Variants in CST2 observed in about 807,000 individuals in gnomAD.
The protein encoded by CST2 is cystatin SA, also known as cystatin-SA.
In CST2, 26 loss-of-function variants were observed where a neutral mutation model predicts 13.4. The ratio of observed to expected loss-of-function variants is 1.95; its 90% CI spans 1.43 to 2.70. CST2 has a LOEUF of 2.70. Among genes scored for constraint, CST2 ranks in the 30% most tolerant of loss-of-function variants. The probability of loss-of-function intolerance (pLI) is 0.00; values close to 1 mark genes in which losing one functional copy is unlikely to be tolerated. For synonymous variants in CST2, 105 were observed against 71.1 expected (o/e 1.48, Z -2.40); for missense variants, 243 against 173.4 (o/e 1.40, Z -2.25).
chr20:23,826,544 G>A lies in CST2; in HGVS notation c.117C>T (p.Leu39=). ...IIEGGIYDAD[L]NDERVQRALH... is the part of the protein sequence containing the mutation. ...GGGCACGCTGTACCCGCTCATCATT[G>A]AGGTCTGCATCATAGATGCCACCCT... is the stretch of plus-strand genomic sequence containing the variant. The change falls in exon 1 of 3, where the codon CTC becomes CTT. Residue 39 remains leucine (L), a synonymous_variant. Coordinates refer to ENST00000304725, the MANE Select transcript of CST2 (RefSeq NM_001322.3). The A allele has an allele frequency of 6.2e-7, 1 of 1,614,164 alleles. No homozygotes were observed. The highest frequency in any genetic ancestry group is 2.2e-5 in the East Asian group (1 of 44,856).
intron 1 of CST2, 141 bp from the exon 2 acceptor site, chr20:23,825,464 C>T (rs984529645): frequency 7.4e-5 from 60 of 809,500 alleles, no homozygotes; most frequent in Non-Finnish European, 1.1e-4. Context: ...CACACAAGCC[C>T]CCTCTTCCTG....
Position 23,824,851 on chromosome 20 carries a change from A to T in CST2, c.342+359T>A, listed in dbSNP as rs1984776125. 5.3e-5 allele frequency among the ~76,000 whole-genome samples: 8 copies of T among 151,046 alleles called. No homozygotes were observed. The South Asian group carries it at 1.7e-3, about 32-fold the overall frequency. On this transcript the variant is annotated intron_variant, in intron 2 of 2. Transcript: ENST00000304725. ...GGCTTCCTAGCAAATCAAACACATCACCCTCCTCCCTCACCACCCCATCTG... is the reference window on the plus strand; with the variant it reads ...GGCTTCCTAGCAAATCAAACACATCTCCCTCCTCCCTCACCACCCCATCTG...
rs1984740326 is a variant in CST2, at chr20:23,823,858, T to TC, written c.*161dup. 1 of 679,956 alleles carries TC rather than the reference T, an allele frequency of 1.5e-6. No homozygotes were observed. Among genetic ancestry groups the TC allele is most frequent in the Non-Finnish European group, 2.5e-6 (1 of 393,108 alleles). The allele number at this position is 679,956 out of a possible 1,614,324, so 42.1% of individuals were successfully genotyped here. On this transcript the variant is annotated 3_prime_UTR_variant, in exon 3 of 3. Coordinates refer to ENST00000304725, the MANE Select transcript of CST2 (RefSeq NM_001322.3). ...GCAAAAGGAAGGAGGGAGGGCAGAG[T>TC]CCCCTGCTGAGCAACAAAGGCCTCC...
At chr20:23,824,423 C>T (rs1021328766) in intron 2 of CST2, among the ~76,000 whole-genome samples, 1 of 152,094 alleles carries the variant, frequency 6.6e-6, no homozygotes. Context: ...TGGCTCACTT[C>T]CCCCAGCTCC....
Position 23,823,951 on chromosome 20 carries a change from G to C in CST2, c.*69C>G. On this transcript the variant is annotated 3_prime_UTR_variant, in exon 3 of 3. Coordinates refer to ENST00000304725, the MANE Select transcript of CST2 (RefSeq NM_001322.3). ...ACCTCCCACAGGGTGGGGGCCACCA[G>C]TCCAGGGGTGGGAGCACTACAAGGG... 1 of 1,556,540 alleles carries C rather than the reference G, an allele frequency of 6.4e-7. No homozygotes were observed. The highest frequency in any genetic ancestry group is 8.8e-7 in the Non-Finnish European group (1 of 1,130,710).
intron 1 of CST2, 135 bp downstream of exon 1, chr20:23,826,298 A>G: frequency 2.7e-6 from 2 of 749,006 alleles, no homozygotes; most frequent in African/African-American, 1.7e-5. Flanking sequence ...CCATAAGCAG[A>G]GAGTCAGGGA....
In CST2 at chr20:23,823,850, G is replaced by A. The variant is rs1225492268; in HGVS notation, c.*170C>T. On this transcript the variant is annotated 3_prime_UTR_variant, in exon 3 of 3. Transcript: ENST00000304725. ...TATGAGAAGCAAAAGGAAGGAGGGA[G>A]GGCAGAGTCCCCTGCTGAGCAACAA... is the stretch of plus-strand genomic sequence containing the variant. 2 of 648,702 alleles carry A rather than the reference G, an allele frequency of 3.1e-6. No individual in the cohort carries two copies. Among genetic ancestry groups the A allele is most frequent in the Non-Finnish European group, 5.4e-6 (2 of 369,782 alleles). 40.2% of individuals were successfully genotyped at this position (648,702 alleles called of 1,614,324 possible).
In CST2 at chr20:23,826,634, C is replaced by A. The variant is rs568450682; in HGVS notation, c.27G>T (p.Leu9=). Residue 9 remains leucine (L), a synonymous_variant, in exon 1 of 3, where the codon CTG becomes CTT. Coordinates refer to ENST00000304725, the MANE Select transcript of CST2 (RefSeq NM_001322.3). MAWPLCTL[L]LLLATQAVAL... ...CCACAGCCTGGGTGGCCAGCAGGAG[C>A]AGCAGGGTGCACAGGGGCCAGGCCA... is the stretch of plus-strand genomic sequence containing the variant. 3 of 1,609,618 alleles carry A rather than the reference C, an allele frequency of 1.9e-6. No homozygotes were observed. The highest frequency in any genetic ancestry group is 4.5e-5 in the East Asian group (2 of 44,752).
rs1157391189 is a variant in CST2, at chr20:23,825,372, A to C, written c.229-49T>G. 9.4e-6 allele frequency: 15 copies of C among 1,590,170 alleles called. No homozygotes were observed. In the Admixed American group the frequency reaches 2.5e-4, roughly 27 times the overall value. On this transcript the variant is annotated intron_variant, in intron 1 of 2. Coordinates refer to ENST00000304725, the MANE Select transcript of CST2 (RefSeq NM_001322.3). ...GCACGGACAGCGCCCCCATCAGTTC[A>C]TGCACTCACAGGCACTTCACTGTGG... is the stretch of plus-strand genomic sequence containing the variant.
Position 23,825,311 on chromosome 20 carries a change from C to A in CST2, c.241G>T (p.Val81Leu), listed in dbSNP as rs201317965. 2 of 1,613,524 alleles carry A rather than the reference C, an allele frequency of 1.2e-6. No individual in the cohort carries two copies. Among genetic ancestry groups the A allele is most frequent in the Admixed American group, 1.7e-5 (1 of 59,946 alleles). Residue 81 changes from valine (V) to leucine (L), a missense_variant, in exon 2 of 3, where the codon GTG becomes TTG. Val to Leu is a conservative substitution (Grantham distance 32). Coordinates refer to ENST00000304725, the MANE Select transcript of CST2 (RefSeq NM_001322.3). ...ACCTCTATGTCGAAGAAGTAATTCA[C>A]CCCGCCCACGATCTACACACATGAG... ...LRAREQIVGGVNYFFDIEVGR... is the reference protein window; with the variant it reads ...LRAREQIVGGLNYFFDIEVGR...
rs536203829 is a variant in CST2 at position 23,825,136 on chromosome 20, T to G, written c.342+74A>C. On this transcript the variant is annotated intron_variant, in intron 2 of 2. Coordinates refer to ENST00000304725, the MANE Select transcript of CST2 (RefSeq NM_001322.3). ...TGCACACACACACCCTCCAAACATG[T>G]GTAGGGCAGAGACTGACACATACGC... 2.2e-4 allele frequency: 349 copies of G among 1,581,292 alleles called. 1 individual carries two copies. In the East Asian group the frequency reaches 6.8e-3, roughly 31 times the overall value.
Position 23,823,833 on chromosome 20 carries a change from G to A in CST2, c.*187C>T. The stretch of plus-strand genomic sequence containing the variant: ...GTACCATGTACCAGGGCTATGAGAA[G>A]CAAAAGGAAGGAGGGAGGGCAGAGT... On this transcript the variant is annotated 3_prime_UTR_variant, in exon 3 of 3. Transcript: ENST00000304725. 2 of 615,546 alleles carry A rather than the reference G, an allele frequency of 3.2e-6. No individual in the cohort carries two copies. Among genetic ancestry groups the A allele is most frequent in the Admixed American group, 2.9e-5 (1 of 34,300 alleles). The allele number at this position is 615,546 out of a possible 1,614,324, so 38.1% of individuals were successfully genotyped here.
At chr20:23,824,932 T>C (rs144591293) in intron 2 of CST2, among the ~76,000 whole-genome samples, 27 of 152,138 alleles carry the variant, frequency 1.8e-4, no homozygotes, top group African/African-American at 6.0e-4. Flanking sequence ...CATGGATCTA[T>C]GTACAAACCC....
Sources: gnomAD v4.1 joint callset for allele counts (sites outside exome capture counted in the v4.1 genomes callset) on GRCh38, gnomAD v4.1.1 for gene constraint, MANE v1.5 for transcripts, NCBI Gene and HGNC (gene_info 2026-07-23, HGNC 2026-07-21) for gene names.